CFAP221: variants seen among roughly 807,000 people sequenced by gnomAD.
CFAP221 encodes the protein cilia and flagella associated protein 221, also known as cilia- and flagella-associated protein 221.
In CFAP221, 97 loss-of-function variants were observed where a neutral mutation model predicts 113.1. The observed-to-expected ratio is 0.86, with a 90% CI of 0.73 to 1.02. CFAP221 has a LOEUF of 1.02. Ranked by LOEUF, CFAP221 falls within the 50% of genes least tolerant of loss-of-function variation. The pLI, the probability that CFAP221 is intolerant of heterozygous loss-of-function variation, is 0.00. For missense variants in CFAP221, 1,025 were observed against 1,013.4 expected, an observed-to-expected ratio of 1.01 and a Z score of -0.16; for synonymous variants, 331 against 354.4, an observed-to-expected ratio of 0.93 and a Z score of 0.74.
intron 6 of CFAP221, among the ~76,000 whole-genome samples, chr2:119,574,686 A>T (rs1026423192): frequency 6.6e-6 from 1 of 152,140 alleles, no homozygotes; most frequent in Non-Finnish European, 1.5e-5. Context: ...GGTTTGTAGT[A>T]TCTGCACACA....
intron 22 of CFAP221, among the ~76,000 whole-genome samples, chr2:119,647,759 G>A (rs1015795467): frequency 5.3e-5 from 8 of 152,138 alleles, no homozygotes; most frequent in Non-Finnish European, 1.2e-4. Flanking sequence ...AAAATTAGAA[G>A]TTCCATATGT....
At chr2:119,612,061 G>A (rs1307578055) in intron 13 of CFAP221, among the ~76,000 whole-genome samples, 1 of 152,020 alleles carries the variant, frequency 6.6e-6, no homozygotes, top group Non-Finnish European at 1.5e-5. Context: ...GGGTCCCTTG[G>A]CCTCTATTCA....
intron 21 of CFAP221, 109 bp from the exon 22 acceptor site, chr2:119,646,849 A>T: frequency 1.1e-6 from 1 of 910,954 alleles, no homozygotes; most frequent in African/African-American, 1.7e-5. Context: ...AGGACAGAGT[A>T]GTAGAGGCCT....
intron 23 of CFAP221, among the ~76,000 whole-genome samples, chr2:119,655,620 C>G (rs557148001): frequency 2.0e-5 from 3 of 152,276 alleles, no homozygotes; most frequent in East Asian, 3.9e-4. Context: ...GCCTTTTAAC[C>G]AAAACACTCG....
chr2:119,587,767 G>A (rs567295277), intron 7 of CFAP221, among the ~76,000 whole-genome samples: 40 of 152,276 alleles, frequency 2.6e-4, no homozygotes, highest in African/African-American at 8.9e-4. Flanking sequence ...GTGGTCTACT[G>A]TGGACAGATA....
At chr2:119,602,800 T>C in intron 8 of CFAP221, 2 of 983,750 alleles carry the variant, frequency 2.0e-6, no homozygotes, top group Non-Finnish European at 2.4e-6. Context: ...CATCAGGTGC[T>C]ACAATACTCA....
chr2:119,619,099 A>G (rs1323200321), intron 14 of CFAP221, among the ~76,000 whole-genome samples: 3 of 152,336 alleles, frequency 2.0e-5, no homozygotes, highest in South Asian at 2.1e-4. Context: ...AGGGCCTTAC[A>G]GATAAGACTC....
At chr2:119,654,184 G>A (rs1004020616) in intron 23 of CFAP221, among the ~76,000 whole-genome samples, 1 of 152,102 alleles carries the variant, frequency 6.6e-6, no homozygotes, top group Non-Finnish European at 1.5e-5. Flanking sequence ...TCAGAAAACA[G>A]ATTGGCAGTT....
intron 8 of CFAP221, chr2:119,602,834 A>G (rs1684459325): frequency 1.1e-6 from 1 of 942,652 alleles, no homozygotes; most frequent in South Asian, 4.9e-5. Flanking sequence ...AAGACATAAC[A>G]TGAGTGCGAT....
chr2:119,638,974 TC>T (rs1409526218), intron 20 of CFAP221, among the ~76,000 whole-genome samples: 1 of 151,374 alleles, frequency 6.6e-6, no homozygotes, highest in Non-Finnish European at 1.5e-5. Flanking sequence ...TGCCTCCTCT[TC>T]CTGTGTCACC....
intron 6 of CFAP221, 119 bp downstream of exon 6, chr2:119,562,233 G>A (rs1024227792): frequency 2.3e-6 from 1 of 437,758 alleles, no homozygotes; most frequent in Non-Finnish European, 3.6e-6. Context: ...GAAATAGACT[G>A]GACTTGTCAT....
At position 119,656,568 on chromosome 2, in the gene CFAP221, C is replaced by A. The variant is rs1025715378; in HGVS notation, c.*98C>A. ...CCAGCCATCTCTGCAATTAAAGTTT[C>A]TGGATAAAAAAATGAAATGTAGAGG... On this transcript the variant is annotated 3_prime_UTR_variant, in exon 24 of 24. Transcript: ENST00000413369. 16 of 757,632 alleles carry A rather than the reference C, an allele frequency of 2.1e-5. No homozygotes were observed. Among genetic ancestry groups the A allele is most frequent in the Non-Finnish European group, 3.3e-5 (15 of 449,990 alleles). The allele number at this position is 757,632 out of a possible 1,614,324, so 46.9% of individuals were successfully genotyped here.
At chr2:119,623,393 C>T (rs963353028) in intron 14 of CFAP221, among the ~76,000 whole-genome samples, 1 of 152,170 alleles carries the variant, frequency 6.6e-6, no homozygotes, top group Non-Finnish European at 1.5e-5. Context: ...AAAAACATTC[C>T]ATGCTCATGG....
chr2:119,593,698 G>A (rs1683751479), intron 7 of CFAP221, among the ~76,000 whole-genome samples: 2 of 152,138 alleles, frequency 1.3e-5, no homozygotes, highest in Admixed American at 6.5e-5. Flanking sequence ...AATTAGCCAG[G>A]CGTAGTGACG....
intron 22 of CFAP221, 47 bp from the exon 23 acceptor site, chr2:119,651,927 A>G (rs1460134799): frequency 7.1e-7 from 1 of 1,399,934 alleles, no homozygotes; most frequent in Non-Finnish European, 1.0e-6. Flanking sequence ...CTATTTTTAC[A>G]CTGGGAAGGA....
chr2:119,568,043 T>C (rs1392004549), intron 6 of CFAP221, among the ~76,000 whole-genome samples: 1 of 152,080 alleles, frequency 6.6e-6, no homozygotes, highest in African/African-American at 2.4e-5. Flanking sequence ...GCTTCACAGA[T>C]AGTTTGAGTA....
intron 3 of CFAP221, among the ~76,000 whole-genome samples, chr2:119,553,377 T>G (rs1680564467): frequency 6.6e-6 from 1 of 152,014 alleles, no homozygotes; most frequent in African/African-American, 2.4e-5. Context: ...AGGTGAGACA[T>G]GTGGGTTGGG....
intron 8 of CFAP221, among the ~76,000 whole-genome samples, chr2:119,604,358 C>T (rs922120402): frequency 2.6e-5 from 4 of 151,650 alleles, no homozygotes; most frequent in South Asian, 2.1e-4. Context: ...CACTTGAACC[C>T]GGGAGGCAGA....
intron 23 of CFAP221, among the ~76,000 whole-genome samples, chr2:119,655,291 G>C (rs1433903403): frequency 6.6e-6 from 1 of 152,124 alleles, no homozygotes; most frequent in Non-Finnish European, 1.5e-5. Context: ...TGTGACTTTA[G>C]TTGCTGACAC....
Sources: gnomAD v4.1 joint callset for allele counts (sites outside exome capture counted in the v4.1 genomes callset) on GRCh38, gnomAD v4.1.1 for gene constraint, MANE v1.5 for transcripts, NCBI Gene and HGNC (gene_info 2026-07-23, HGNC 2026-07-21) for gene names.